KMT2B: variants seen among roughly 807,000 people sequenced by gnomAD.
KMT2B encodes the protein histone-lysine N-methyltransferase 2B.
KMT2B carries 22 observed loss-of-function variants against 255.3 expected under a neutral mutation model. The observed-to-expected ratio is 0.09, with a 90% CI of 0.06 to 0.12. The LOEUF (loss-of-function observed/expected upper bound fraction) is 0.12, where lower values mean the gene tolerates loss of function less well. Among genes scored for constraint, KMT2B ranks in the 10% least tolerant of loss-of-function variants. The pLI is 1.00. For missense variants in KMT2B, 3,149 were observed against 3,737.0 expected, an observed-to-expected ratio of 0.84 and a Z score of 4.10; for synonymous variants, 1,730 against 1,498.1, an observed-to-expected ratio of 1.15 and a Z score of -3.57.
rs910393930 is a variant in KMT2B at position 35,737,430 on chromosome 19, C to T, written c.7550+167C>T. ...GGCTCCGTGGCTCATGCCTGTAATC[C>T]CGCCACTTTGGGAGGCCGAGGCAGG... On this transcript the variant is annotated intron_variant, in intron 33 of 36. Transcript: ENST00000420124. This position sits in a 1 kb window ranked among gnomAD's most constrained non-coding sequence, Gnocchi z 5.3. 1.1e-5 allele frequency: 10 copies of T among 887,296 alleles called. No homozygotes were observed. Among genetic ancestry groups the T allele is most frequent in the Non-Finnish European group, 1.7e-5 (10 of 603,292 alleles). 55.0% of individuals were successfully genotyped at this position (887,296 alleles called of 1,614,324 possible).
intron 23 of KMT2B, 104 bp from the exon 24 acceptor site, chr19:35,730,238 G>GT (rs1441990886): frequency 1.9e-6 from 3 of 1,595,294 alleles, no homozygotes; most frequent in Non-Finnish European, 2.6e-6. Flanking sequence ...CTCCTCATCT[G>GT]TTTTCCCAGA....
rs189288331 is a variant in KMT2B at position 35,731,436 on chromosome 19, A to G, written c.5438-472A>G. 3.9e-4 allele frequency among the ~76,000 whole-genome samples: 60 copies of G among 152,290 alleles called. 1 individual carries two copies. The highest frequency in any genetic ancestry group is 1.4e-3 in the African/African-American group (57 of 41,574). On this transcript the variant is annotated intron_variant, in intron 26 of 36. Transcript: ENST00000420124. ...TATTCCAGGTTGGAGCATGACAAGA[A>G]GTGGACAGAGGAGGAGGGTACACCC...
chr19:35,719,624 G>C (rs1343634996), intron 2 of KMT2B, 83 bp downstream of exon 2: 3 of 1,503,578 alleles, frequency 2.0e-6, no homozygotes, highest in African/African-American at 2.8e-5. Context: ...TGTTCAACTA[G>C]CCTCTGTCAG....
In KMT2B at chr19:35,719,997, G is replaced by A. The variant is rs757329299; in HGVS notation, c.650G>A (p.Arg217Gln). ...CGGGCATGTGAGCCCTCCACCCCCC[G>A]GCGGTCTCGGGGACGGCCCCCAGGA... The part of the protein sequence containing the change: ...RSRACEPSTP[R>Q]RSRGRPPGRP... The change falls in exon 3 of 37, where the codon CGG becomes CAG. Residue 217 changes from arginine (R) to glutamine (Q), a missense_variant. Transcript: ENST00000420124. 22 of 1,612,832 alleles carry A rather than the reference G, an allele frequency of 1.4e-5. No individual in the cohort carries two copies. Among genetic ancestry groups the A allele is most frequent in the African/African-American group, 5.3e-5 (4 of 74,876 alleles).
Position 35,721,346 on chromosome 19 carries a change from A to G in KMT2B, c.1999A>G (p.Thr667Ala), listed in dbSNP as rs1422044921. The G allele has an allele frequency of 1.9e-6, 3 of 1,575,414 alleles. No homozygotes were observed. Among genetic ancestry groups the G allele is most frequent in the East Asian group, 2.3e-5 (1 of 42,602 alleles). The change falls in exon 3 of 37, where the codon ACT becomes GCT. Residue 667 changes from threonine to alanine, a missense_variant. Physicochemically the swap from Thr to Ala is moderately conservative, Grantham distance 58 (BLOSUM62 0). Transcript: ENST00000420124. ...CCTGAAGATCTACGAATCGGTGCTT[A>G]CTCCTCCTCCTCTTGGGGCTCCTGA... ...AHLKIYESVL[T>A]PPPLGAPEAP... is the part of the protein sequence containing the mutation.
chr19:35,733,702 CCT>C lies in KMT2B; in HGVS notation c.7049+20_7049+21del. ...AAAGTCCTGGGTGAGTGGCCAGGCCCCTCTCCCTGGAGGGTCTGGGACCTCTG... is the reference window on the plus strand; with the variant it reads ...AAAGTCCTGGGTGAGTGGCCAGGCCCCTCCCTGGAGGGTCTGGGACCTCTG... On this transcript the variant is annotated intron_variant, in intron 29 of 36. Transcript: ENST00000420124. The surrounding 1 kb of genome is among the most constrained non-coding windows in gnomAD (Gnocchi z 4.3). 6.2e-7 allele frequency: 1 copy of C among 1,604,890 alleles called. No homozygotes were observed. The highest frequency in any genetic ancestry group is 1.1e-5 in the South Asian group (1 of 89,786).
rs772244469 is a variant in KMT2B at position 35,727,657 on chromosome 19, C to T, written c.4302+35C>T. 2.5e-6 allele frequency: 4 copies of T among 1,612,668 alleles called. No individual in the cohort carries two copies. The highest frequency in any genetic ancestry group is 1.7e-5 in the Admixed American group (1 of 60,000). On this transcript the variant is annotated intron_variant, in intron 16 of 36. Coordinates refer to ENST00000420124, the MANE Select transcript of KMT2B (RefSeq NM_014727.3). This position sits in a 1 kb window ranked among gnomAD's most constrained non-coding sequence, Gnocchi z 4.2. ...GCCCTGGAGGCAGGATGGGCCGGGGCTAGGCCCACCCCCAGCCCTGCTAAC... is the reference window on the plus strand; with the variant it reads ...GCCCTGGAGGCAGGATGGGCCGGGGTTAGGCCCACCCCCAGCCCTGCTAAC...
chr19:35,733,163 C>T lies in KMT2B; in HGVS notation c.6614C>T (p.Ala2205Val), dbSNP rs1185544469. 3.2e-6 allele frequency: 5 copies of T among 1,573,908 alleles called. No individual in the cohort carries two copies. The highest frequency in any genetic ancestry group is 4.3e-6 in the Non-Finnish European group (5 of 1,158,816). ...CTGGGGCAAGTATTTGTGAAGATGG[C>T]TGGGGAGGGTGAACCTGTCCCACCC... ...NKLGQVFVKMAGEGEPVPPPV... is the reference protein window; with the variant it reads ...NKLGQVFVKMVGEGEPVPPPV... The change falls in exon 28 of 37, where the codon GCT (alanine) becomes GTT (valine). Residue 2205 changes from alanine to valine, a missense_variant. By Grantham distance (64) the Ala-to-Val change is moderately conservative. This residue lies in a region of KMT2B where 897 missense variants were observed against 825.3 expected (regional missense o/e 1.09). Coordinates refer to ENST00000420124, the MANE Select transcript of KMT2B (RefSeq NM_014727.3). This position sits in a 1 kb window ranked among gnomAD's most constrained non-coding sequence, Gnocchi z 4.3.
rs371140651 is a variant in KMT2B, at chr19:35,721,612, A to G, written c.2265A>G (p.Pro755=). 135 of 1,608,342 alleles carry G rather than the reference A, an allele frequency of 8.4e-5. No homozygotes were observed. Among genetic ancestry groups the G allele is most frequent in the Non-Finnish European group, 9.9e-5 (116 of 1,176,218 alleles). Residue 755 remains proline, a synonymous_variant, in exon 3 of 37, where the codon CCA becomes CCG. Transcript: ENST00000420124. ...QTQLLPQALP[P]PQPQLQPPPS... is the part of the protein sequence containing the mutation. ...AGCTCCTGCCCCAGGCACTACCGCCACCACAGCCACAGCTGCAGCCACCGC... is the reference window on the plus strand; with the variant it reads ...AGCTCCTGCCCCAGGCACTACCGCCGCCACAGCCACAGCTGCAGCCACCGC...
Position 35,720,422 on chromosome 19 carries a change from C to G in KMT2B, c.1075C>G (p.Gln359Glu). The G allele has an allele frequency of 1.9e-6, 3 of 1,561,616 alleles. No individual in the cohort carries two copies. Among genetic ancestry groups the G allele is most frequent in the Non-Finnish European group, 1.7e-6 (2 of 1,152,498 alleles). Reference sequence around the variant, plus strand: ...GAGCCCTTGCTGGAAAAAGCAGGAACAGAAGCTGGATGACGAGGAAGAAGA... The same window carrying G: ...GAGCCCTTGCTGGAAAAAGCAGGAAGAGAAGCTGGATGACGAGGAAGAAGA... The part of the protein sequence containing the change: ...GGSPCWKKQE[Q>E]KLDDEEEEKK... The change falls in exon 3 of 37, where the codon CAG becomes GAG. Residue 359 changes from glutamine (Q) to glutamate (E), a missense_variant. Transcript: ENST00000420124.
Position 35,728,855 on chromosome 19 carries a change from A to G in KMT2B, c.4653A>G (p.Pro1551=). 2 of 1,613,950 alleles carry G rather than the reference A, an allele frequency of 1.2e-6. No individual in the cohort carries two copies. Among genetic ancestry groups the G allele is most frequent in the Non-Finnish European group, 8.5e-7 (1 of 1,179,860 alleles). Residue 1551 remains proline (P), a synonymous_variant, in exon 20 of 37, where the codon CCA becomes CCG. Coordinates refer to ENST00000420124, the MANE Select transcript of KMT2B (RefSeq NM_014727.3). ...AQWRQQEPET[P]ESGQPPGDPS... is the part of the protein sequence containing the mutation. Reference sequence around the variant, plus strand: ...GGAGACAGCAGGAACCAGAGACCCCAGAATCAGGGCAGCCTCCAGGGGATC... The same window carrying G: ...GGAGACAGCAGGAACCAGAGACCCCGGAATCAGGGCAGCCTCCAGGGGATC...
In KMT2B at chr19:35,738,843, G is replaced by A. The variant is rs376079202; in HGVS notation, c.*286G>A. The A allele has an allele frequency of 1.4e-4, 70 of 497,510 alleles. No individual in the cohort carries two copies. The East Asian group carries it at 1.8e-3, about 13-fold the overall frequency. 30.8% of individuals were successfully genotyped at this position (497,510 alleles called of 1,614,324 possible). On this transcript the variant is annotated 3_prime_UTR_variant, in exon 37 of 37. Coordinates refer to ENST00000420124, the MANE Select transcript of KMT2B (RefSeq NM_014727.3). The surrounding 1 kb of genome is among the most constrained non-coding windows in gnomAD (Gnocchi z 8.7). ...TATTTAAGAGGTGGGGTCCCAGGTG[G>A]GAACCCCCCCACAATAAAGTCTGTC...
chr19:35,732,131 C>T lies in KMT2B; in HGVS notation c.5661C>T (p.Ser1887=), dbSNP rs765085912. 1.1e-5 allele frequency: 18 copies of T among 1,589,416 alleles called. 1 individual carries two copies. The South Asian group carries it at 2.0e-4, about 18-fold the overall frequency. ...LGGVSFGPLP[S]PGSPSSLTHH... is the part of the protein sequence containing the mutation. Reference sequence around the variant, plus strand: ...GTGTCTCCTTTGGCCCCCTGCCCTCCCCTGGTGAGCACCGGGCATGTGGGG... The same window carrying T: ...GTGTCTCCTTTGGCCCCCTGCCCTCTCCTGGTGAGCACCGGGCATGTGGGG... The change falls in exon 27 of 37, where the codon TCC becomes TCT. Residue 1887 remains serine (S), a synonymous_variant. Coordinates refer to ENST00000420124, the MANE Select transcript of KMT2B (RefSeq NM_014727.3).
chr19:35,732,042 C>T lies in KMT2B; in HGVS notation c.5572C>T (p.Arg1858Cys), dbSNP rs750345473. The T allele has an allele frequency of 8.7e-6, 14 of 1,612,386 alleles. No homozygotes were observed. Among genetic ancestry groups the T allele is most frequent in the East Asian group, 4.5e-5 (2 of 44,788 alleles). Reference sequence around the variant, plus strand: ...AGGCAGCGCCCCTCCTCCAGCCCCCCGTTCTTTTTCGGGGGCTCGAATCAA... The same window carrying T: ...AGGCAGCGCCCCTCCTCCAGCCCCCTGTTCTTTTTCGGGGGCTCGAATCAA... ...DSGSAPPPAP[R>C]SFSGARIKVP... is the part of the protein sequence containing the mutation. The change falls in exon 27 of 37, where the codon CGT becomes TGT. Residue 1858 changes from arginine to cysteine, a missense_variant. Around this residue, in one of 18 missense-constraint regions of KMT2B, gnomAD observed 897 missense variants for 825.3 expected, o/e 1.09. Coordinates refer to ENST00000420124, the MANE Select transcript of KMT2B (RefSeq NM_014727.3).
intron 3 of KMT2B, 23 bp downstream of exon 3, chr19:35,721,827 G>T (rs925993150): frequency 1.2e-5 from 18 of 1,538,014 alleles, no homozygotes; most frequent in Non-Finnish European, 1.2e-5. Flanking sequence ...CCTGGGCCCA[G>T]CGGCACACCC....
In KMT2B at chr19:35,721,089, C is replaced by T. The variant is rs1969177950; in HGVS notation, c.1742C>T (p.Pro581Leu). The T allele has an allele frequency of 1.1e-5, 17 of 1,611,316 alleles. No homozygotes were observed. Among genetic ancestry groups the T allele is most frequent in the Non-Finnish European group, 1.4e-5 (17 of 1,179,178 alleles). ...PPVPQEPAPV[P>L]SPPRAPTPPS... is the part of the protein sequence containing the mutation. ...GTTCCCCAGGAGCCAGCACCAGTCC[C>T]CTCTCCACCACGTGCCCCAACTCCT... is the stretch of plus-strand genomic sequence containing the variant. Residue 581 changes from proline to leucine, a missense_variant, in exon 3 of 37, where the codon CCC becomes CTC. Pro to Leu is a moderately conservative substitution (Grantham distance 98). Around this residue, in one of 18 missense-constraint regions of KMT2B, gnomAD observed 1,188 missense variants for 1,106.4 expected, o/e 1.07. Transcript: ENST00000420124.
In KMT2B at chr19:35,721,471, C is replaced by A; in HGVS notation, c.2124C>A (p.Ala708=). ...RTNHLSLPRF[A]PVVTTPVKAE... ...ACCACCTCAGCCTGCCTCGATTCGCCCCTGTGGTCACCACTCCTGTTAAGG... is the reference window on the plus strand; with the variant it reads ...ACCACCTCAGCCTGCCTCGATTCGCACCTGTGGTCACCACTCCTGTTAAGG... The change falls in exon 3 of 37, where the codon GCC becomes GCA. Residue 708 remains alanine, a synonymous_variant. Transcript: ENST00000420124. 1 of 1,612,786 alleles carries A rather than the reference C, an allele frequency of 6.2e-7. No homozygotes were observed. Among genetic ancestry groups the A allele is most frequent in the Non-Finnish European group, 8.5e-7 (1 of 1,179,856 alleles).
At chr19:35,728,607 T>C (rs1969561696) in intron 19 of KMT2B, among the ~76,000 whole-genome samples, 167 bp from the exon 20 acceptor site, 1 of 152,110 alleles carries the variant, frequency 6.6e-6, no homozygotes, top group African/African-American at 2.4e-5. Context: ...CAGCATTTCG[T>C]ATGTCCAAGC....
In KMT2B at chr19:35,733,725, C is replaced by T; in HGVS notation, c.7050-38C>T. Reference sequence around the variant, plus strand: ...CCCCTCTCCCTGGAGGGTCTGGGACCTCTGTCCTTCCCCTTCCTGACAGGT... The same window carrying T: ...CCCCTCTCCCTGGAGGGTCTGGGACTTCTGTCCTTCCCCTTCCTGACAGGT... On this transcript the variant is annotated intron_variant, in intron 29 of 36. Coordinates refer to ENST00000420124, the MANE Select transcript of KMT2B (RefSeq NM_014727.3). The surrounding 1 kb of genome is among the most constrained non-coding windows in gnomAD (Gnocchi z 4.3). The T allele has an allele frequency of 6.2e-7, 1 of 1,609,424 alleles. No homozygotes were observed. Among genetic ancestry groups the T allele is most frequent in the African/African-American group, 1.3e-5 (1 of 74,826 alleles).
Sources: gnomAD v4.1 joint callset for allele counts (sites outside exome capture counted in the v4.1 genomes callset) on GRCh38, gnomAD v4.1.1 for gene constraint, gnomAD v4.1.1 regional missense constraint, Gnocchi (gnomAD v3.1) non-coding constraint, MANE v1.5 for transcripts, NCBI Gene and HGNC (gene_info 2026-07-23, HGNC 2026-07-21) for gene names.